Variants in DISC1 observed in about 807,000 individuals in gnomAD.
The protein encoded by DISC1 is disrupted in schizophrenia 1 protein.
DISC1 carries 57 observed loss-of-function variants against 84.5 expected under a neutral mutation model. The observed-to-expected ratio is 0.67, with a 90% confidence interval of 0.55 to 0.84. DISC1 has a LOEUF of 0.84. Among genes scored for constraint, DISC1 ranks in the 40% least tolerant of loss-of-function variants. The pLI is 0.00. For missense variants in DISC1, 1,000 were observed against 1,057.8 expected (o/e 0.95, Z 0.76); for synonymous variants, 411 against 415.2 (o/e 0.99, Z 0.12).
intron 9 of DISC1, among the ~76,000 whole-genome samples, chr1:231,924,886 G>T (rs950138318): frequency 1.3e-5 from 2 of 151,498 alleles, no homozygotes; most frequent in African/African-American, 4.9e-5. Context: ...TCGATCTCCT[G>T]ACCTCGTGAT....
intron 3 of DISC1, among the ~76,000 whole-genome samples, chr1:231,729,517 C>T (rs1347001766): frequency 6.6e-6 from 1 of 152,144 alleles, no homozygotes; most frequent in Non-Finnish European, 1.5e-5. Flanking sequence ...TGTGATTTCT[C>T]TCTATTAACA....
chr1:231,806,761 T>G (rs1436026361), intron 8 of DISC1, among the ~76,000 whole-genome samples: 1 of 152,226 alleles, frequency 6.6e-6, no homozygotes, highest in African/African-American at 2.4e-5. Context: ...CTCTTTAACC[T>G]CTGTGCTGCT....
intron 3 of DISC1, among the ~76,000 whole-genome samples, chr1:231,739,097 T>C (rs1049594922): frequency 1.3e-5 from 2 of 152,230 alleles, no homozygotes; most frequent in African/African-American, 4.8e-5. Context: ...TCATTACTTA[T>C]AGGCCTTCTC....
chr1:231,637,049 G>A (rs2059260591), intron 1 of DISC1, among the ~76,000 whole-genome samples: 1 of 152,132 alleles, frequency 6.6e-6, no homozygotes, highest in African/African-American at 2.4e-5. Context: ...GTGAGAACAT[G>A]GGGTGTTTGG....
chr1:231,899,917 A>G (rs2088012633), intron 9 of DISC1, among the ~76,000 whole-genome samples: 1 of 152,210 alleles, frequency 6.6e-6, no homozygotes, highest in African/African-American at 2.4e-5. Flanking sequence ...CATAATATAT[A>G]CAACTAGATT....
chr1:231,626,934 G>T lies in DISC1; in HGVS notation c.67G>T (p.Gly23Cys). 1 of 1,504,664 alleles carries T rather than the reference G, an allele frequency of 6.6e-7. No homozygotes were observed. The highest frequency in any genetic ancestry group is 1.2e-5 in the South Asian group (1 of 81,272). 93.2% of individuals were successfully genotyped at this position (1,504,664 alleles called of 1,614,324 possible). Residue 23 changes from glycine (G) to cysteine (C), a missense_variant and splice_region_variant, in exon 1 of 13, where the codon GGC becomes TGC. By Grantham distance (159) the Gly-to-Cys change is radical (BLOSUM62 -3). Around this residue, in one of 3 missense-constraint regions of DISC1, gnomAD observed 292 missense variants for 280.2 expected, o/e 1.04. Coordinates refer to ENST00000439617, the MANE Select transcript of DISC1 (RefSeq NM_018662.3). ...AGGGGVSHRA[G>C]SRDCLPPAAC... Reference sequence around the variant, plus strand: ...CGGCGGCGGCGTGAGCCACCGCGCAGGTAGGGGAGCTGCCACAGAGTCCTA... The same window carrying T: ...CGGCGGCGGCGTGAGCCACCGCGCATGTAGGGGAGCTGCCACAGAGTCCTA...
rs201954903 is a variant in DISC1 at position 232,013,083 on chromosome 1, C to T, written c.2307+4034C>T. Among the ~76,000 whole-genome samples, 430 of 152,312 alleles carry T rather than the reference C, an allele frequency of 2.8e-3. 1 individual carries two copies. Among genetic ancestry groups the T allele is most frequent in the Non-Finnish European group, 4.8e-3 (324 of 68,032 alleles). ...GGAAATCAGTGAGCCAGGCTTCCTC[C>T]GCTGTGAAGTGGCTCTTTTGTACGG... On this transcript the variant is annotated intron_variant, in intron 11 of 12. Coordinates refer to ENST00000439617, the MANE Select transcript of DISC1 (RefSeq NM_018662.3).
intron 8 of DISC1, among the ~76,000 whole-genome samples, chr1:231,808,779 G>T (rs897110042): frequency 6.6e-6 from 1 of 152,202 alleles, no homozygotes; most frequent in Non-Finnish European, 1.5e-5. Flanking sequence ...CTGGCGCTGG[G>T]AGCCAAACCT....
At chr1:231,972,369 G>A (rs1171406745) in intron 10 of DISC1, among the ~76,000 whole-genome samples, 1 of 152,148 alleles carries the variant, frequency 6.6e-6, no homozygotes, top group African/African-American at 2.4e-5. Flanking sequence ...TGTTTCATCT[G>A]GTTCCTTAGA....
chr1:231,918,393 T>C (rs2089785003), intron 9 of DISC1, among the ~76,000 whole-genome samples: 1 of 152,234 alleles, frequency 6.6e-6, no homozygotes, highest in Non-Finnish European at 1.5e-5. Flanking sequence ...ACATACACTC[T>C]CTGACCTCTT....
At chr1:231,685,520 T>A (rs1056378673) in intron 1 of DISC1, among the ~76,000 whole-genome samples, 4 of 152,134 alleles carry the variant, frequency 2.6e-5, no homozygotes, top group Admixed American at 2.6e-4. Flanking sequence ...TGGCGTGATC[T>A]TGGCTCACTG....
rs1485274868 is a variant in DISC1, at chr1:231,702,603, C to A, written c.1117+579C>A. On this transcript the variant is annotated intron_variant, in intron 3 of 12. Transcript: ENST00000439617. ...GAGAAAAAGAAGTTACAACATTAGA[C>A]CAGAGATAGAGGGACTGATCTGAGG... is the stretch of plus-strand genomic sequence containing the variant. The A allele has an allele frequency of 4.1e-6, 4 of 984,858 alleles. No homozygotes were observed. The East Asian group carries it at 3.4e-4, about 84-fold the overall frequency. 61.0% of individuals were successfully genotyped at this position (984,858 alleles called of 1,614,324 possible).
At chr1:231,799,319 A>G (rs1379407427) in intron 7 of DISC1, among the ~76,000 whole-genome samples, 1 of 152,076 alleles carries the variant, frequency 6.6e-6, no homozygotes, top group Non-Finnish European at 1.5e-5. Flanking sequence ...GTCTATTAAT[A>G]CTAGTAATTA....
At chr1:231,766,054 C>T (rs1000011166) in intron 4 of DISC1, among the ~76,000 whole-genome samples, 16 of 151,920 alleles carry the variant, frequency 1.1e-4, no homozygotes, top group African/African-American at 3.4e-4. Context: ...CTTTGGGAAG[C>T]GGAGGAGGGA....
At chr1:232,025,021 C>G (rs1164228065) in intron 11 of DISC1, among the ~76,000 whole-genome samples, 2 of 152,180 alleles carry the variant, frequency 1.3e-5, no homozygotes, top group East Asian at 3.8e-4. Context: ...TCTCTATCTT[C>G]TGTTCTCATT....
intron 1 of DISC1, among the ~76,000 whole-genome samples, chr1:231,635,723 AAGTTC>A (rs368607002): frequency 2.0e-3 from 299 of 152,336 alleles, no homozygotes; most frequent in African/African-American, 6.3e-3. Flanking sequence ...GGAGTTTCAG[AAGTTC>A]AGTTCAGTTT....
intron 3 of DISC1, among the ~76,000 whole-genome samples, chr1:231,727,887 G>A (rs1410584399): frequency 2.6e-5 from 4 of 151,736 alleles, no homozygotes; most frequent in African/African-American, 9.7e-5. Flanking sequence ...AGGAGTTCGG[G>A]GCTGCAGTGA....
At chr1:232,012,461 G>A (rs1440411172) in intron 11 of DISC1, among the ~76,000 whole-genome samples, 1 of 152,198 alleles carries the variant, frequency 6.6e-6, no homozygotes, top group Non-Finnish European at 1.5e-5. Flanking sequence ...GGGAGCCATT[G>A]AAGTCTGGGT....
chr1:231,833,904 A>C (rs1168312021), intron 9 of DISC1, among the ~76,000 whole-genome samples: 6 of 152,106 alleles, frequency 3.9e-5, no homozygotes, highest in Admixed American at 3.9e-4. Context: ...TAATTTTTGG[A>C]GTTTTATTTA....
Sources: gnomAD v4.1 joint callset for allele counts (sites outside exome capture counted in the v4.1 genomes callset) on GRCh38, gnomAD v4.1.1 for gene constraint, gnomAD v4.1.1 regional missense constraint, MANE v1.5 for transcripts, NCBI Gene and HGNC (gene_info 2026-07-23, HGNC 2026-07-21) for gene names.